Variants in FAM149A observed in about 807,000 individuals in gnomAD.
FAM149A encodes protein FAM149A.
Under a neutral mutation model 78.2 loss-of-function variants are expected in FAM149A, and 71 were observed. That is an observed-to-expected ratio of 0.91 (90% CI 0.75 to 1.11). FAM149A has a LOEUF of 1.11. Among genes scored for constraint, FAM149A ranks in the 50% least tolerant of loss-of-function variants. The pLI is 0.00. For missense variants in FAM149A, 1,036 were observed against 971.0 expected (o/e 1.07, Z -0.89); for synonymous variants, 446 against 410.5 (o/e 1.09, Z -1.04).
chr4:186,120,533 C>T (rs934358084), intron 1 of FAM149A, among the ~76,000 whole-genome samples: 18 of 152,020 alleles, frequency 1.2e-4, no homozygotes, highest in African/African-American at 4.1e-4. Flanking sequence ...GTGGCTCACA[C>T]CTGTAATCCC....
intron 1 of FAM149A, among the ~76,000 whole-genome samples, chr4:186,132,796 A>G (rs79065552): frequency 0.012 from 1,779 of 152,304 alleles, 40 homozygotes; most frequent in African/African-American, 0.04. Context: ...CTGCCTGTCA[A>G]CAAAAGGAAA....
At chr4:186,161,752 C>A (rs974463062) in intron 8 of FAM149A, among the ~76,000 whole-genome samples, 1 of 152,158 alleles carries the variant, frequency 6.6e-6, no homozygotes, top group Non-Finnish European at 1.5e-5. Flanking sequence ...ATAGAGCCTG[C>A]TTTGAAATAC....
At chr4:186,131,599 C>G (rs1330675371) in intron 1 of FAM149A, among the ~76,000 whole-genome samples, 1 of 152,190 alleles carries the variant, frequency 6.6e-6, no homozygotes, top group African/African-American at 2.4e-5. Context: ...AGGCAATGGT[C>G]TTTTCAATAA....
At chr4:186,145,130 G>T in intron 1 of FAM149A, 1 of 985,656 alleles carries the variant, frequency 1.0e-6, no homozygotes, top group Non-Finnish European at 1.2e-6. Flanking sequence ...TCATCCGGCA[G>T]CAGGGCTCGC....
intron 1 of FAM149A, among the ~76,000 whole-genome samples, chr4:186,131,241 G>A (rs1426421169): frequency 4.6e-5 from 7 of 152,082 alleles, no homozygotes; most frequent in East Asian, 3.9e-4. Flanking sequence ...CCATTTACTC[G>A]GGAGGCTGAG....
Position 186,151,268 on chromosome 4 carries a change from A to G in FAM149A, c.790-635A>G, listed in dbSNP as rs535005610. ...CTTCCTTGGTAGAAGGCTGAGCACC[A>G]CTGCTTTACTCTGTCCAAATTCTAG... On this transcript the variant is annotated intron_variant, in intron 3 of 13. Transcript: ENST00000389354. Among the ~76,000 whole-genome samples the G allele has an allele frequency of 2.6e-5, 4 of 152,188 alleles. No individual in the cohort carries two copies. The East Asian group carries it at 7.7e-4, about 29-fold the overall frequency.
chr4:186,150,833 T>C (rs1733511493), intron 3 of FAM149A: 1 of 153,154 alleles, frequency 6.5e-6, no homozygotes, highest in Non-Finnish European at 1.4e-5. Context: ...GCAATACTCC[T>C]GTCTCAGCCT....
intron 1 of FAM149A, among the ~76,000 whole-genome samples, chr4:186,131,354 AAAAAG>A (rs934198306): frequency 6.6e-6 from 1 of 152,112 alleles, no homozygotes; most frequent in Non-Finnish European, 1.5e-5. Flanking sequence ...ACTCAAAAAA[AAAAAG>A]AGGAAGACAG....
intron 1 of FAM149A, among the ~76,000 whole-genome samples, chr4:186,139,718 GT>G (rs1393050668): frequency 1.3e-5 from 2 of 152,212 alleles, no homozygotes; most frequent in Non-Finnish European, 2.9e-5. Context: ...GACTAGGACA[GT>G]GTTAGGAACT....
chr4:186,113,883 G>A (rs1473933327), intron 1 of FAM149A, among the ~76,000 whole-genome samples: 1 of 152,058 alleles, frequency 6.6e-6, no homozygotes, highest in East Asian at 1.9e-4. Context: ...GATTTGGGGT[G>A]GAGAGTTCTG....
intron 1 of FAM149A, chr4:186,130,167 CAGAT>C (rs2099319957): frequency 6.6e-6 from 1 of 151,692 alleles, no homozygotes; most frequent in Non-Finnish European, 1.5e-5. Context: ...ATACAGAACA[CAGAT>C]AGGAGGTAAC....
At chr4:186,153,092 C>T (rs1733740854) in intron 4 of FAM149A, among the ~76,000 whole-genome samples, 1 of 151,292 alleles carries the variant, frequency 6.6e-6, no homozygotes, top group South Asian at 2.1e-4. Flanking sequence ...CCACTAGATA[C>T]TAGTTGTGGA....
At position 186,164,105 on chromosome 4, in the gene FAM149A, T is replaced by G. The variant is rs577492932; in HGVS notation, c.1889+472T>G. ...GCAGGATTCACATCCCGTCATGGCC[T>G]CGTTAGAAAGGTGCCTGTCTCTTGC... On this transcript the variant is annotated intron_variant, in intron 10 of 13. Transcript: ENST00000389354. The surrounding 1 kb of genome is among the most constrained non-coding windows in gnomAD (Gnocchi z 4.0). Among the ~76,000 whole-genome samples the G allele has an allele frequency of 6.6e-6, 1 of 152,332 alleles. No individual in the cohort carries two copies. The highest frequency in any genetic ancestry group is 1.9e-4 in the East Asian group (1 of 5,186).
chr4:186,165,199 G>A (rs1003721610), intron 10 of FAM149A, 145 bp from the exon 11 acceptor site: 13 of 814,184 alleles, frequency 1.6e-5, no homozygotes, highest in East Asian at 4.9e-5. Context: ...GGGAGCATCC[G>A]GATAATACCA....
At chr4:186,154,428 T>G in intron 5 of FAM149A, 40 bp from the exon 6 acceptor site, 1 of 1,543,202 alleles carries the variant, frequency 6.5e-7, no homozygotes, top group Non-Finnish European at 8.8e-7. Context: ...GTTCTTGGTG[T>G]TCTATAAACT....
chr4:186,110,164 G>A (rs1579759606), intron 1 of FAM149A: 1 of 985,382 alleles, frequency 1.0e-6, no homozygotes, highest in Non-Finnish European at 1.2e-6. Context: ...TTATTGAATG[G>A]ATGAAGAAAA....
intron 1 of FAM149A, chr4:186,126,121 C>G: frequency 1.0e-6 from 1 of 981,526 alleles, no homozygotes; most frequent in Non-Finnish European, 1.2e-6. Context: ...AAATGAAATC[C>G]TTTCATTAGT....
intron 1 of FAM149A, among the ~76,000 whole-genome samples, chr4:186,135,997 G>T (rs1025081688): frequency 6.6e-6 from 1 of 152,202 alleles, no homozygotes; most frequent in Non-Finnish European, 1.5e-5. Flanking sequence ...TAGCAAGTAG[G>T]TGAATTTGCA....
intron 1 of FAM149A, among the ~76,000 whole-genome samples, chr4:186,145,758 G>C (rs149715943): frequency 1.3e-5 from 2 of 152,318 alleles, no homozygotes; most frequent in Non-Finnish European, 2.9e-5. Context: ...ACAGGAACTA[G>C]TATAGAACTT....
Sources: allele counts gnomAD v4.1 joint callset (sites outside exome capture counted in the v4.1 genomes callset), GRCh38; gene constraint gnomAD v4.1.1; non-coding constraint Gnocchi (gnomAD v3.1); transcripts MANE v1.5; gene names NCBI Gene and HGNC (gene_info 2026-07-23, HGNC 2026-07-21).